Variants in ANKS1B observed in about 807,000 individuals in gnomAD.
ANKS1B encodes ankyrin repeat and sterile alpha motif domain containing 1B.
Under a neutral mutation model 148.3 loss-of-function variants are expected in ANKS1B, and 36 were observed. The ratio of observed to expected loss-of-function variants is 0.24; its 90% CI spans 0.19 to 0.32. The LOEUF (loss-of-function observed/expected upper bound fraction) is 0.32. Among genes scored for constraint, ANKS1B ranks in the 10% least tolerant of loss-of-function variants. The pLI is 1.00. For missense variants in ANKS1B, 1,157 were observed against 1,542.6 expected, an observed-to-expected ratio of 0.75 and a Z score of 4.19; for synonymous variants, 542 against 560.8, an observed-to-expected ratio of 0.97 and a Z score of 0.47.
At chr12:99,108,101 C>T (rs2059599219) in intron 15 of ANKS1B, among the ~76,000 whole-genome samples, 1 of 152,222 alleles carries the variant, frequency 6.6e-6, no homozygotes, top group South Asian at 2.1e-4. Context: ...AACATAGCTA[C>T]ATTACTGCAA....
At chr12:99,451,302 A>C (rs2095731596) in intron 10 of ANKS1B, among the ~76,000 whole-genome samples, 2 of 152,234 alleles carry the variant, frequency 1.3e-5, no homozygotes, top group Non-Finnish European at 2.9e-5. Flanking sequence ...AAAATAATTC[A>C]TGTGCAACAT....
chr12:99,827,432 T>C (rs545825640), intron 1 of ANKS1B, among the ~76,000 whole-genome samples: 2 of 152,074 alleles, frequency 1.3e-5, no homozygotes, highest in East Asian at 1.9e-4. Context: ...GTAGCAAATA[T>C]GTAGGATGAA....
intron 9 of ANKS1B, among the ~76,000 whole-genome samples, chr12:99,518,781 G>T (rs538639719): frequency 3.7e-4 from 56 of 151,864 alleles, no homozygotes; most frequent in African/African-American, 1.2e-3. Context: ...AATTTGGTTT[G>T]CTCTAGCTTT....
At chr12:99,683,262 T>C (rs1461079083) in intron 8 of ANKS1B, among the ~76,000 whole-genome samples, 2 of 151,558 alleles carry the variant, frequency 1.3e-5, no homozygotes, top group African/African-American at 4.9e-5. Context: ...AGAGAGAATA[T>C]CCAAATAAGC....
intron 12 of ANKS1B, among the ~76,000 whole-genome samples, chr12:99,299,724 T>A (rs963350138): frequency 6.6e-6 from 1 of 152,226 alleles, no homozygotes; most frequent in African/African-American, 2.4e-5. Context: ...TGCATACCCA[T>A]ATTTGGGAAA....
At chr12:99,669,382 C>T (rs745673756) in intron 8 of ANKS1B, among the ~76,000 whole-genome samples, 68 of 151,952 alleles carry the variant, frequency 4.5e-4, no homozygotes, top group Admixed American at 1.3e-3. Context: ...ATCGTTGTGG[C>T]ATAGAGTAAA....
At chr12:99,764,931 G>GCT (rs1228946693) in intron 8 of ANKS1B, among the ~76,000 whole-genome samples, 3 of 152,138 alleles carry the variant, frequency 2.0e-5, no homozygotes, top group Admixed American at 2.0e-4. Flanking sequence ...TGGCAGCATT[G>GCT]CTCAGAATAA....
chr12:98,772,108 G>A (rs766093261), intron 25 of ANKS1B, among the ~76,000 whole-genome samples: 26 of 152,166 alleles, frequency 1.7e-4, no homozygotes, highest in Non-Finnish European at 2.4e-4. Flanking sequence ...TGAAAATATC[G>A]AAAAATCTCC....
chr12:99,500,475 T>C (rs1257113520), intron 10 of ANKS1B, among the ~76,000 whole-genome samples: 1 of 151,984 alleles, frequency 6.6e-6, no homozygotes, highest in African/African-American at 2.4e-5. Flanking sequence ...GTTCCTCTAT[T>C]CCCCAGTTGA....
In ANKS1B at chr12:98,818,550, A is replaced by G. The variant is rs925146119; in HGVS notation, c.3066+10624T>C. 2.0e-5 allele frequency among the ~76,000 whole-genome samples: 3 copies of G among 152,280 alleles called. 1 individual carries two copies. The highest frequency in any genetic ancestry group is 6.5e-5 in the Admixed American group (1 of 15,292). On this transcript the variant is annotated intron_variant, in intron 19 of 26. Coordinates refer to ENST00000683438, the MANE Select transcript of ANKS1B (RefSeq NM_001352186.2). ...TTGGGATCATGCTGTTTATAGCAAT[A>G]TGGGCTGTTTTACTTGTTCTACCTC...
chr12:99,982,863 A>G (rs1402134396), intron 1 of ANKS1B, among the ~76,000 whole-genome samples: 14 of 152,186 alleles, frequency 9.2e-5, no homozygotes, highest in Admixed American at 9.2e-4. Flanking sequence ...AATCCCATCG[A>G]CTATTTTTCA....
chr12:99,869,924 C>CT (rs1032881037), intron 1 of ANKS1B, among the ~76,000 whole-genome samples: 1 of 151,884 alleles, frequency 6.6e-6, no homozygotes, highest in African/African-American at 2.4e-5. Context: ...TTAATTTCAA[C>CT]TTTTTTTTCT....
intron 10 of ANKS1B, among the ~76,000 whole-genome samples, chr12:99,498,470 C>T (rs901743991): frequency 2.0e-5 from 3 of 152,134 alleles, no homozygotes; most frequent in Non-Finnish European, 4.4e-5. Flanking sequence ...CTATCTAACT[C>T]CTCCTTCTTT....
intron 25 of ANKS1B, among the ~76,000 whole-genome samples, chr12:98,761,742 TTGCTGCCCAA>T (rs1022379600): frequency 6.6e-6 from 1 of 152,228 alleles, no homozygotes; most frequent in Non-Finnish European, 1.5e-5. Flanking sequence ...GTTGAATGCA[TTGCTGCCCAA>T]ATGGCTGACA....
intron 25 of ANKS1B, among the ~76,000 whole-genome samples, chr12:98,756,019 T>C (rs1046251741): frequency 1.3e-5 from 2 of 152,192 alleles, no homozygotes; most frequent in African/African-American, 2.4e-5. Flanking sequence ...CCTGGGCCTC[T>C]AGGAACATTA....
intron 20 of ANKS1B, among the ~76,000 whole-genome samples, chr12:98,803,959 A>C (rs2099028222): frequency 6.6e-6 from 1 of 152,188 alleles, no homozygotes. Flanking sequence ...CAGCACATAC[A>C]TTCCAATCTC....
intron 9 of ANKS1B, among the ~76,000 whole-genome samples, chr12:99,614,664 T>C (rs2097935703): frequency 6.6e-6 from 1 of 152,082 alleles, no homozygotes; most frequent in East Asian, 1.9e-4. Context: ...TGGTTTTTTT[T>C]ACATGTAGTA....
chr12:99,603,493 T>C (rs2097823906), intron 9 of ANKS1B, among the ~76,000 whole-genome samples: 1 of 152,094 alleles, frequency 6.6e-6, no homozygotes, highest in Non-Finnish European at 1.5e-5. Context: ...TCAACCTTAG[T>C]TCCTCGATGT....
chr12:99,968,523 A>G (rs985302353), intron 1 of ANKS1B, among the ~76,000 whole-genome samples: 1 of 152,118 alleles, frequency 6.6e-6, no homozygotes, highest in African/African-American at 2.4e-5. Flanking sequence ...GTGCCACTGC[A>G]CTCCAGCCTG....
Sources: allele counts gnomAD v4.1 joint callset (sites outside exome capture counted in the v4.1 genomes callset), GRCh38; gene constraint gnomAD v4.1.1; transcripts MANE v1.5; gene names NCBI Gene and HGNC (gene_info 2026-07-23, HGNC 2026-07-21).